Variants in UACA observed in about 807,000 individuals in gnomAD.
UACA encodes the protein nuclear membrane binding protein.
A neutral mutation model predicts 160.5 loss-of-function variants in UACA; 112 were observed. That is an observed-to-expected ratio of 0.70 (90% CI 0.60 to 0.82). The LOEUF is 0.82. Ranked by LOEUF, UACA falls within the 40% of genes least tolerant of loss-of-function variation. UACA has a pLI of 0.00. For missense variants in UACA, 1,574 were observed against 1,614.6 expected, an observed-to-expected ratio of 0.97 and a Z score of 0.43; for synonymous variants, 557 against 568.4, an observed-to-expected ratio of 0.98 and a Z score of 0.29.
chr15:70,724,698 G>A (rs1232456153), intron 1 of UACA, among the ~76,000 whole-genome samples: 1 of 152,026 alleles, frequency 6.6e-6, no homozygotes, highest in Non-Finnish European at 1.5e-5. Context: ...GCCTCAAAGA[G>A]TGTGACCTTT....
In UACA at chr15:70,729,725, C is replaced by T. The variant is rs1212936922; in HGVS notation, c.79-30065G>A. On this transcript the variant is annotated intron_variant, in intron 1 of 18. Coordinates refer to ENST00000322954, the MANE Select transcript of UACA (RefSeq NM_018003.4). ...CTCCCAGCGTGAGCGACGCAGAAGA[C>T]GGTGATTTCTGCATTTCCATCTGAG... is the stretch of plus-strand genomic sequence containing the variant. 1.4e-5 allele frequency among the ~76,000 whole-genome samples: 2 copies of T among 142,836 alleles called. 1 individual carries two copies. The highest frequency in any genetic ancestry group is 3.0e-5 in the Non-Finnish European group (2 of 67,010). The allele number at this position is 142,836 out of a possible 152,430, so 93.7% of individuals were successfully genotyped here. A position where few individuals can be genotyped will look rare whatever the true frequency, so the allele number is the denominator to read the frequency against.
At chr15:70,770,805 C>T in the UACA span, among the ~76,000 whole-genome samples, 8 of 152,150 alleles carry the variant, frequency 5.3e-5, no homozygotes, top group African/African-American at 1.4e-4. Context: ...TCTAAGAGAA[C>T]GATAAACTCT....
At chr15:70,663,800 A>T (rs1030430518) in intron 17 of UACA, among the ~76,000 whole-genome samples, 1 of 144,848 alleles carries the variant, frequency 6.9e-6, no homozygotes. Flanking sequence ...GTTCTCACTC[A>T]TAGGTGGGAA....
the UACA span, among the ~76,000 whole-genome samples, chr15:70,770,758 TA>T: frequency 6.6e-6 from 1 of 152,172 alleles, no homozygotes; most frequent in Non-Finnish European, 1.5e-5. Context: ...AAGGCTAAAC[TA>T]AAAGGCATAT....
chr15:70,661,971 C>T (rs553202537), intron 17 of UACA, among the ~76,000 whole-genome samples: 1 of 152,256 alleles, frequency 6.6e-6, no homozygotes, highest in Non-Finnish European at 1.5e-5. Context: ...TGCCCTCTCT[C>T]GCCACTCCTA....
intron 13 of UACA, 83 bp downstream of exon 13, chr15:70,676,410 T>C (rs1384327821): frequency 2.8e-6 from 3 of 1,054,292 alleles, no homozygotes; most frequent in Non-Finnish European, 4.1e-6. Flanking sequence ...AATAAGAGAT[T>C]TATAATTCAA....
rs1897428691 is a variant in UACA at position 70,679,753 on chromosome 15, C to T, written c.823-77G>A. ...AGTATATTTTCCTCAATTGGCAATA[C>T]ACCCAGTTAGTGATTTTCAGTTTAT... On this transcript the variant is annotated intron_variant, in intron 9 of 18. Transcript: ENST00000322954. 7 of 845,498 alleles carry T rather than the reference C, an allele frequency of 8.3e-6. No individual in the cohort carries two copies. The East Asian group carries it at 1.7e-4, about 21-fold the overall frequency. 52.4% of individuals were successfully genotyped at this position (845,498 alleles called of 1,614,324 possible).
chr15:70,689,733 T>C (rs547796109), intron 5 of UACA, among the ~76,000 whole-genome samples: 2 of 152,108 alleles, frequency 1.3e-5, no homozygotes, highest in African/African-American at 2.4e-5. Context: ...GGTCAGGCTA[T>C]CTTACATTCC....
intron 5 of UACA, among the ~76,000 whole-genome samples, chr15:70,689,296 G>T (rs1897841351): frequency 6.6e-6 from 1 of 152,118 alleles, no homozygotes; most frequent in African/African-American, 2.4e-5. Context: ...GCTGATATTG[G>T]AGTTCTTTTG....
At chr15:70,700,950 T>C (rs528800602) in intron 1 of UACA, among the ~76,000 whole-genome samples, 1 of 152,188 alleles carries the variant, frequency 6.6e-6, no homozygotes, top group South Asian at 2.1e-4. Flanking sequence ...ATTTTATATC[T>C]ACTATTCCCT....
intron 1 of UACA, among the ~76,000 whole-genome samples, chr15:70,709,402 C>T (rs1477446054): frequency 6.6e-6 from 1 of 152,124 alleles, no homozygotes; most frequent in African/African-American, 2.4e-5. Flanking sequence ...AACTGGATAA[C>T]GTTAAACTCT....
chr15:70,757,461 C>A (rs1394785742), intron 1 of UACA, among the ~76,000 whole-genome samples: 6 of 152,148 alleles, frequency 3.9e-5, no homozygotes, highest in Non-Finnish European at 8.8e-5. Flanking sequence ...AACTCTATCA[C>A]CCCTTCTTCA....
chr15:70,714,975 A>C (rs1426046297), intron 1 of UACA, among the ~76,000 whole-genome samples: 1 of 152,220 alleles, frequency 6.6e-6, no homozygotes, highest in Non-Finnish European at 1.5e-5. Context: ...CATAGATCTT[A>C]AACAGAACAA....
chr15:70,675,869 G>A (rs1368625131), intron 13 of UACA, among the ~76,000 whole-genome samples: 5 of 152,200 alleles, frequency 3.3e-5, no homozygotes, highest in South Asian at 2.1e-4. Flanking sequence ...TTGCCCTTTC[G>A]CCTTCTGCCA....
intron 9 of UACA, 118 bp from the exon 10 acceptor site, chr15:70,679,794 C>T (rs1462289186): frequency 7.1e-6 from 4 of 566,286 alleles, no homozygotes; most frequent in South Asian, 4.7e-5. Context: ...ATTAGCTGCA[C>T]ATAACACAAG....
At chr15:70,755,626 C>T (rs1486695425) in intron 1 of UACA, among the ~76,000 whole-genome samples, 1 of 151,464 alleles carries the variant, frequency 6.6e-6, no homozygotes, top group African/African-American at 2.4e-5. Flanking sequence ...GCCAAGATTG[C>T]GCCACTGCAC....
intron 1 of UACA, among the ~76,000 whole-genome samples, chr15:70,741,068 AG>A (rs1178120673): frequency 1.3e-5 from 2 of 151,976 alleles, no homozygotes; most frequent in Non-Finnish European, 2.9e-5. Flanking sequence ...AAAAATAAAA[AG>A]GGGGGGCTGG....
intron 9 of UACA, among the ~76,000 whole-genome samples, chr15:70,681,311 C>T (rs1334366084): frequency 6.6e-6 from 1 of 151,760 alleles, no homozygotes; most frequent in East Asian, 1.9e-4. Flanking sequence ...CTGAGTGAGT[C>T]TTACATTTGC....
chr15:70,708,253 AT>A (rs1482391604), intron 1 of UACA, among the ~76,000 whole-genome samples: 10 of 152,152 alleles, frequency 6.6e-5, no homozygotes, highest in Non-Finnish European at 1.3e-4. Flanking sequence ...ACAATGGTAA[AT>A]ATCAGGGCTG....
Sources: gnomAD v4.1 joint callset for allele counts (sites outside exome capture counted in the v4.1 genomes callset) on GRCh38, gnomAD v4.1.1 for gene constraint, MANE v1.5 for transcripts, NCBI Gene and HGNC (gene_info 2026-07-23, HGNC 2026-07-21) for gene names.